Variants in NPAS3 observed in about 807,000 individuals in gnomAD.
The protein encoded by NPAS3 is neuronal PAS domain protein 3.
NPAS3 carries 14 observed loss-of-function variants against 73.1 expected under a neutral mutation model. The ratio of observed to expected loss-of-function variants is 0.19; its 90% CI spans 0.13 to 0.30. The LOEUF (loss-of-function observed/expected upper bound fraction) is 0.30, where lower values mean the gene tolerates loss of function less well. NPAS3 is among the 10% of genes least tolerant of loss of function. The pLI, the probability that NPAS3 is intolerant of heterozygous loss-of-function variation, is 1.00. For missense variants in NPAS3, 1,096 were observed against 1,250.0 expected (o/e 0.88, Z 1.86); for synonymous variants, 620 against 541.5 (o/e 1.14, Z -2.01).
At chr14:33,719,094 C>T (rs188703178) in intron 6 of NPAS3, among the ~76,000 whole-genome samples, 25 of 152,276 alleles carry the variant, frequency 1.6e-4, no homozygotes, top group Admixed American at 6.5e-4. Flanking sequence ...CACCACTACA[C>T]TACAACCTTG....
intron 5 of NPAS3, among the ~76,000 whole-genome samples, chr14:33,670,787 C>G (rs1461443603): frequency 2.0e-5 from 3 of 151,998 alleles, no homozygotes; most frequent in Admixed American, 6.6e-5. Flanking sequence ...ACAGAGTCCT[C>G]CCTCAGGAAT....
chr14:33,552,933 G>T (rs2210054), intron 4 of NPAS3, among the ~76,000 whole-genome samples: 5 of 151,980 alleles, frequency 3.3e-5, no homozygotes, highest in Non-Finnish European at 7.4e-5. Flanking sequence ...TACCACATGT[G>T]TGCACAGCAG....
At chr14:33,420,022 C>A (rs2048308104) in intron 4 of NPAS3, among the ~76,000 whole-genome samples, 1 of 151,912 alleles carries the variant, frequency 6.6e-6, no homozygotes, top group South Asian at 2.1e-4. Flanking sequence ...ATCTGAAACA[C>A]CGGACTGGAG....
Position 33,580,255 on chromosome 14 carries a change from A to G in NPAS3, c.558+20045A>G, listed in dbSNP as rs2056609988. Among the ~76,000 whole-genome samples the G allele has an allele frequency of 3.3e-5, 5 of 152,238 alleles. No homozygotes were observed. The South Asian group carries it at 1.0e-3, about 31-fold the overall frequency. On this transcript the variant is annotated intron_variant, in intron 5 of 11. Coordinates refer to ENST00000356141, the Ensembl canonical transcript of NPAS3. ...AACCAGCTTCCTGGATGGAGAATTC[A>G]GAGCAACCAACGTCTTCTTTATTAA...
chr14:33,568,223 A>G (rs543388432), intron 5 of NPAS3, among the ~76,000 whole-genome samples: 1 of 152,350 alleles, frequency 6.6e-6, no homozygotes, highest in African/African-American at 2.4e-5. Context: ...AAGTAAGATT[A>G]AGAAAATTTA....
intron 4 of NPAS3, among the ~76,000 whole-genome samples, chr14:33,463,680 A>C (rs1284797688): frequency 6.6e-6 from 1 of 152,198 alleles, no homozygotes; most frequent in African/African-American, 2.4e-5. Context: ...GGCAAAGAAA[A>C]TATGCCTGGA....
At chr14:33,225,485 A>C (rs2047595916) in intron 3 of NPAS3, among the ~76,000 whole-genome samples, 1 of 152,186 alleles carries the variant, frequency 6.6e-6, no homozygotes, top group Admixed American at 6.6e-5. Context: ...GTAAAGGATC[A>C]GATAGTAAAT....
chr14:33,618,261 TTATTTC>T (rs1182014451), intron 5 of NPAS3, among the ~76,000 whole-genome samples: 3 of 152,038 alleles, frequency 2.0e-5, no homozygotes, highest in Admixed American at 6.6e-5. Context: ...ATTGTGCACT[TTATTTC>T]TATTATTATT....
chr14:33,630,486 A>G (rs1365730481), intron 5 of NPAS3, among the ~76,000 whole-genome samples: 2 of 152,216 alleles, frequency 1.3e-5, no homozygotes, highest in Non-Finnish European at 2.9e-5. Flanking sequence ...CAAATCAGCT[A>G]TTACCCAAGT....
chr14:33,762,292 C>G lies in NPAS3; in HGVS notation c.853-12045C>G, dbSNP rs148134287. Among the ~76,000 whole-genome samples, 54 of 151,838 alleles carry G rather than the reference C, an allele frequency of 3.6e-4. No homozygotes were observed. The East Asian group carries it at 9.3e-3, about 26-fold the overall frequency. On this transcript the variant is annotated intron_variant, in intron 7 of 11. Transcript: ENST00000356141. ...CCCTGTTTGTTCCCACACTTGAGTTCCTGATGTCAGTTTGTTTTTGGCTTC... is the reference window on the plus strand; with the variant it reads ...CCCTGTTTGTTCCCACACTTGAGTTGCTGATGTCAGTTTGTTTTTGGCTTC...
At chr14:33,527,981 T>G (rs2053876163) in intron 4 of NPAS3, among the ~76,000 whole-genome samples, 1 of 152,104 alleles carries the variant, frequency 6.6e-6, no homozygotes, top group Admixed American at 6.6e-5. Flanking sequence ...GAAGCTAATG[T>G]CCTGGACCTA....
At chr14:33,296,927 G>T (rs2042326470) in intron 3 of NPAS3, among the ~76,000 whole-genome samples, 1 of 152,194 alleles carries the variant, frequency 6.6e-6, no homozygotes, top group Non-Finnish European at 1.5e-5. Flanking sequence ...ACAAAGAACA[G>T]GGTCTGTACT....
chr14:33,651,977 G>A lies in NPAS3; in HGVS notation c.559-24234G>A, dbSNP rs187877476. 8.6e-3 allele frequency among the ~76,000 whole-genome samples: 1,305 copies of A among 152,262 alleles called. 32 individuals are homozygous for A. The highest frequency in any genetic ancestry group is 0.045 in the Admixed American group (693 of 15,300). On this transcript the variant is annotated intron_variant, in intron 5 of 11. Coordinates refer to ENST00000356141, the Ensembl canonical transcript of NPAS3. ...CTACCCATACAACCAGTCATGAGGTGTTCCACATCCCAGCCCTGCCTTTTA... is the reference window on the plus strand; with the variant it reads ...CTACCCATACAACCAGTCATGAGGTATTCCACATCCCAGCCCTGCCTTTTA...
intron 4 of NPAS3, among the ~76,000 whole-genome samples, chr14:33,544,790 A>ATATATATATATATATATATATAT (rs2054713155): frequency 1.9e-5 from 1 of 53,360 alleles, no homozygotes; most frequent in African/African-American, 8.7e-5. Context: ...TGTGTGTATT[A>ATATATATATATATATATATATAT]TATATATATA....
At chr14:32,957,815 G>A (rs1335144008) in intron 1 of NPAS3, among the ~76,000 whole-genome samples, 1 of 152,160 alleles carries the variant, frequency 6.6e-6, no homozygotes, top group Non-Finnish European at 1.5e-5. Flanking sequence ...TGTGGGGACT[G>A]TGCACTTCTT....
intron 4 of NPAS3, among the ~76,000 whole-genome samples, chr14:33,469,394 C>T (rs571138123): frequency 3.3e-5 from 5 of 151,658 alleles, no homozygotes; most frequent in African/African-American, 1.2e-4. Context: ...CTTGTGGCAA[C>T]TCTATGAGGC....
intron 6 of NPAS3, among the ~76,000 whole-genome samples, chr14:33,702,852 T>G (rs920567114): frequency 5.3e-5 from 8 of 151,980 alleles, no homozygotes; most frequent in Non-Finnish European, 1.0e-4. Flanking sequence ...GGGGTGCGAG[T>G]TGATGTACAT....
intron 4 of NPAS3, among the ~76,000 whole-genome samples, chr14:33,478,222 A>G (rs953935654): frequency 4.6e-5 from 7 of 152,186 alleles, no homozygotes; most frequent in African/African-American, 1.7e-4. Context: ...CACTTTAAGC[A>G]CTAATAACAT....
chr14:33,341,030 G>C (rs2044453505), intron 3 of NPAS3, among the ~76,000 whole-genome samples: 1 of 152,148 alleles, frequency 6.6e-6, no homozygotes, highest in Non-Finnish European at 1.5e-5. Flanking sequence ...TTCATGTGTA[G>C]TATGTAATAC....
Sources: gnomAD v4.1 joint callset for allele counts (sites outside exome capture counted in the v4.1 genomes callset) on GRCh38, gnomAD v4.1.1 for gene constraint, MANE v1.5 for transcripts, NCBI Gene and HGNC (gene_info 2026-07-23, HGNC 2026-07-21) for gene names.